Variants in ZP2 observed in about 807,000 individuals in gnomAD.
ZP2 encodes zona pellucida sperm-binding protein 2.
Under a neutral mutation model 84.0 loss-of-function variants are expected in ZP2, and 51 were observed. The ratio of observed to expected loss-of-function variants is 0.61; its 90% CI spans 0.49 to 0.77. The LOEUF (loss-of-function observed/expected upper bound fraction) is 0.77. Ranked by LOEUF, ZP2 falls within the 30% of genes least tolerant of loss-of-function variation. The pLI is 0.00. For missense variants in ZP2, 909 were observed against 911.9 expected (o/e 1.00, Z 0.04); for synonymous variants, 375 against 330.9 (o/e 1.13, Z -1.45).
intron 4 of ZP2, 45 bp downstream of exon 4, chr16:21,209,586 G>T (rs2093265128): frequency 1.9e-6 from 3 of 1,563,702 alleles, no homozygotes; most frequent in Non-Finnish European, 8.8e-7. Context: ...GTAACTCTTA[G>T]GTTACTACGT....
intron 1 of ZP2, 29 bp downstream of exon 1, chr16:21,211,457 C>T (rs2093274877): frequency 1.9e-6 from 3 of 1,613,708 alleles, no homozygotes; most frequent in Admixed American, 1.7e-5. Context: ...GCTACCATAC[C>T]CCCTCCCTCC....
chr16:21,203,815 T>A, intron 9 of ZP2: 1 of 604,658 alleles, frequency 1.7e-6, no homozygotes, highest in South Asian at 2.0e-5. Flanking sequence ...CGATTTTTCA[T>A]GACAGAAGTT....
intron 2 of ZP2, among the ~76,000 whole-genome samples, chr16:21,210,957 G>A (rs1289279926): frequency 1.3e-5 from 2 of 151,564 alleles, no homozygotes; most frequent in African/African-American, 2.4e-5. Context: ...AACGTCAAGT[G>A]AGCAGCTCCA....
Position 21,204,355 on chromosome 16 carries a change from G to A in ZP2, c.743C>T (p.Ser248Phe), listed in dbSNP as rs771707906. ...AGAGAAGATCACCTTCTGTCCAGGAGATATAAATGTAAGCTTCAGAGACAC... is the reference window on the plus strand; with the variant it reads ...AGAGAAGATCACCTTCTGTCCAGGAAATATAAATGTAAGCTTCAGAGACAC... ...YMVSLKLTFISPGQKVIFSSQ... is the reference protein window; with the variant it reads ...YMVSLKLTFIFPGQKVIFSSQ... Residue 248 changes from serine to phenylalanine, a missense_variant, in exon 8 of 19, where the codon TCT (serine) becomes TTT (phenylalanine). Coordinates refer to ENST00000574091, the MANE Select transcript of ZP2 (RefSeq NM_001376232.1). The A allele has an allele frequency of 2.6e-5, 42 of 1,613,980 alleles. No homozygotes were observed. The highest frequency in any genetic ancestry group is 3.2e-5 in the Non-Finnish European group (38 of 1,179,982).
chr16:21,205,496 C>A lies in ZP2; in HGVS notation c.617G>T (p.Gly206Val). 2.5e-6 allele frequency: 4 copies of A among 1,613,992 alleles called. No homozygotes were observed. Among genetic ancestry groups the A allele is most frequent in the Non-Finnish European group, 3.4e-6 (4 of 1,179,986 alleles). Reference sequence around the variant, plus strand: ...GTGGTTGTCAATCAAGAGGCTGAAGCCTTCCTTCATGGCCTCTGGCAGGGT... The same window carrying A: ...GTGGTTGTCAATCAAGAGGCTGAAGACTTCCTTCATGGCCTCTGGCAGGGT... ...TLTLPEAMKE[G>V]FSLLIDNHRM... Residue 206 changes from glycine (G) to valine (V), a missense_variant, in exon 7 of 19, where the codon GGC becomes GTC. Coordinates refer to ENST00000574091, the MANE Select transcript of ZP2 (RefSeq NM_001376232.1).
At position 21,202,212 on chromosome 16, in the gene ZP2, C is replaced by T; in HGVS notation, c.1179G>A (p.Leu393=). The change falls in exon 11 of 19, where the codon CTG becomes CTA. Residue 393 remains leucine, a synonymous_variant. Transcript: ENST00000574091. ...ATGAGTTTCCCACCCTCAGAGTACC[C>T]AGGTCAAGAGCTGGTTGTGTTTGGT... is the stretch of plus-strand genomic sequence containing the variant. ...YSYQTQPALD[L]GTLRVGNSSC... 1 of 1,586,486 alleles carries T rather than the reference C, an allele frequency of 6.3e-7. No homozygotes were observed.
intron 4 of ZP2, among the ~76,000 whole-genome samples, chr16:21,208,692 A>G (rs1010078496): frequency 6.6e-6 from 1 of 152,212 alleles, no homozygotes; most frequent in African/African-American, 2.4e-5. Context: ...TTTGCCTTTT[A>G]ACACCTGTTT....
Position 21,197,839 on chromosome 16 carries a change from T to G in ZP2, c.2022A>C (p.Ser674=). 1.2e-6 allele frequency: 2 copies of G among 1,614,164 alleles called. No individual in the cohort carries two copies. The highest frequency in any genetic ancestry group is 2.2e-5 in the South Asian group (2 of 91,090). ...TGCTCCCACTTGCTTTTAGATCAGA[T>G]GAGCCGACACCTGGGAAGAACCTGA... The part of the protein sequence containing the change: ...SDDSSFRGVG[S]SDLKASGSSG... Residue 674 remains serine (S), a synonymous_variant, in exon 18 of 19, where the codon TCA becomes TCC. Transcript: ENST00000574091.
At chr16:21,211,889 G>T, upstream of ZP2, 2 of 856,872 alleles carry the variant, frequency 2.3e-6, no homozygotes, top group Non-Finnish European at 3.2e-6. Context: ...AGAATCATGG[G>T]CTTTATTGAG....
At chr16:21,214,141 A>AC, upstream of ZP2, 2 of 717,214 alleles carry the variant, frequency 2.8e-6, no homozygotes, top group Middle Eastern at 7.1e-4. Flanking sequence ...CAGCACAGAG[A>AC]CCCCAAGCAG....
chr16:21,210,357 T>C (rs2093269201), intron 2 of ZP2, among the ~76,000 whole-genome samples, 165 bp from the exon 3 acceptor site: 1 of 151,944 alleles, frequency 6.6e-6, no homozygotes, highest in Non-Finnish European at 1.5e-5. Flanking sequence ...AACAATACAA[T>C]ATGCCAAGAA....
At chr16:21,200,282 A>T (rs2093219248) in intron 14 of ZP2, among the ~76,000 whole-genome samples, 1 of 152,108 alleles carries the variant, frequency 6.6e-6, no homozygotes, top group Non-Finnish European at 1.5e-5. Context: ...TACTAAAGAT[A>T]TAAAAATTAG....
At chr16:21,208,787 A>G (rs1465336408) in intron 4 of ZP2, among the ~76,000 whole-genome samples, 3 of 152,138 alleles carry the variant, frequency 2.0e-5, no homozygotes, top group African/African-American at 7.2e-5. Context: ...CTCGTGTTTC[A>G]TCACTTGTTG....
Position 21,211,500 on chromosome 16 carries a change from G to A in ZP2, c.48C>T (p.Phe16=). The A allele has an allele frequency of 6.2e-7, 1 of 1,614,042 alleles. No homozygotes were observed. The highest frequency in any genetic ancestry group is 1.1e-5 in the South Asian group (1 of 91,064). The change falls in exon 1 of 19, where the codon TTC becomes TTT. Residue 16 remains phenylalanine (F), a synonymous_variant. Transcript: ENST00000574091. ...GAATTACTCACCTCCAGCCTGCATT[G>A]AACCAGCCTGAGGGACTCCAAGAGC... ...RGGSWSPSGW[F]NAGWSTYRSI...
Position 21,211,497 on chromosome 16 carries a change from A to T in ZP2, c.51T>A (p.Asn17Lys). Residue 17 changes from asparagine to lysine, a missense_variant, in exon 1 of 19, where the codon AAT becomes AAA. By Grantham distance (94) the Asn-to-Lys change is moderately conservative (BLOSUM62 0). Transcript: ENST00000574091. ...CCAGAATTACTCACCTCCAGCCTGC[A>T]TTGAACCAGCCTGAGGGACTCCAAG... ...GGSWSPSGWF[N>K]AGWSTYRSIS... 6.2e-7 allele frequency: 1 copy of T among 1,614,166 alleles called. No homozygotes were observed. The highest frequency in any genetic ancestry group is 1.1e-5 in the South Asian group (1 of 91,080).
intron 2 of ZP2, 148 bp downstream of exon 2, chr16:21,211,159 C>T (rs144348908): frequency 1.4e-6 from 1 of 703,874 alleles, no homozygotes; most frequent in Non-Finnish European, 2.5e-6. Context: ...TACAGGTTAG[C>T]AGAAGAAAGA....
chr16:21,208,249 C>T (rs1485759110), intron 4 of ZP2, among the ~76,000 whole-genome samples: 2 of 152,212 alleles, frequency 1.3e-5, no homozygotes, highest in East Asian at 3.9e-4. Flanking sequence ...TGGCCATCCA[C>T]AGGTTATGGC....
chr16:21,209,244 G>A (rs917215644), intron 4 of ZP2, among the ~76,000 whole-genome samples: 2 of 152,122 alleles, frequency 1.3e-5, no homozygotes, highest in African/African-American at 4.8e-5. Flanking sequence ...TCAGCTCACT[G>A]CAAACCTCTG....
Position 21,201,848 on chromosome 16 carries a change from G to T in ZP2, c.1380-18C>A. On this transcript the variant is annotated intron_variant, in intron 12 of 18. Coordinates refer to ENST00000574091, the MANE Select transcript of ZP2 (RefSeq NM_001376232.1). Reference sequence around the variant, plus strand: ...CTGTCATTCTGTAAGAGTTTGGAGGGAAGGTAGGTACAGAAAATTTCAGGT... The same window carrying T: ...CTGTCATTCTGTAAGAGTTTGGAGGTAAGGTAGGTACAGAAAATTTCAGGT... 1 of 1,613,886 alleles carries T rather than the reference G, an allele frequency of 6.2e-7. No homozygotes were observed. Among genetic ancestry groups the T allele is most frequent in the Non-Finnish European group, 8.5e-7 (1 of 1,179,846 alleles).
Sources: gnomAD v4.1 joint callset for allele counts (sites outside exome capture counted in the v4.1 genomes callset) on GRCh38, gnomAD v4.1.1 for gene constraint, MANE v1.5 for transcripts, NCBI Gene and HGNC (gene_info 2026-07-23, HGNC 2026-07-21) for gene names.